The following CFDP1 variants were observed in gnomAD, a reference collection of about 807,000 sequenced individuals.
CFDP1 encodes heterochromatin-stabilizing protein CFDP1.
A neutral mutation model predicts 40.1 loss-of-function variants in CFDP1; 31 were observed. That is an observed-to-expected ratio of 0.77 (90% confidence interval 0.58 to 1.04). CFDP1 has a LOEUF of 1.04. CFDP1 is among the 50% of genes least tolerant of loss of function. CFDP1 has a pLI of 0.00. For missense variants in CFDP1, 423 were observed against 343.4 expected, an observed-to-expected ratio of 1.23 and a Z score of -1.83; for synonymous variants, 167 against 120.0, an observed-to-expected ratio of 1.39 and a Z score of -2.56.
At chr16:75,410,908 CAA>C (rs74355496) in intron 4 of CFDP1, among the ~76,000 whole-genome samples, 13 of 62,590 alleles carry the variant, frequency 2.1e-4, no homozygotes, top group Admixed American at 1.9e-4. Flanking sequence ...GACTCTGTCT[CAA>C]AAAAAAAAAA....
intron 4 of CFDP1, among the ~76,000 whole-genome samples, chr16:75,405,098 A>C (rs2079087045): frequency 6.6e-6 from 1 of 152,208 alleles, no homozygotes; most frequent in Admixed American, 6.5e-5. Context: ...ACAATACTCA[A>C]GACATGAGCA....
intron 5 of CFDP1, among the ~76,000 whole-genome samples, chr16:75,367,378 A>T (rs535428240): frequency 4.6e-5 from 7 of 150,956 alleles, no homozygotes; most frequent in Admixed American, 2.0e-4. Flanking sequence ...CCACTATGGC[A>T]CACATGTACC....
intron 5 of CFDP1, among the ~76,000 whole-genome samples, chr16:75,357,526 T>G (rs548633108): frequency 8.5e-5 from 13 of 152,312 alleles, no homozygotes; most frequent in African/African-American, 3.1e-4. Flanking sequence ...AGTGCTGAGA[T>G]TACAGGTGTA....
intron 5 of CFDP1, among the ~76,000 whole-genome samples, chr16:75,373,876 T>C (rs776344811): frequency 6.6e-6 from 1 of 152,178 alleles, no homozygotes. Context: ...TTTCTAAACA[T>C]GAGGCAATCT....
chr16:75,416,381 T>C (rs1417873743), intron 1 of CFDP1, among the ~76,000 whole-genome samples: 1 of 134,836 alleles, frequency 7.4e-6, no homozygotes, highest in Non-Finnish European at 1.6e-5. Context: ...ATCCATGGAA[T>C]AAAAATAAGA....
intron 5 of CFDP1, among the ~76,000 whole-genome samples, chr16:75,319,754 G>A (rs779886491): frequency 6.6e-6 from 1 of 152,072 alleles, no homozygotes; most frequent in Non-Finnish European, 1.5e-5. Context: ...TCCCCCTGTG[G>A]TGCCACCCCT....
intron 6 of CFDP1, among the ~76,000 whole-genome samples, chr16:75,299,424 T>TAAA (rs55975805): frequency 1.8e-3 from 257 of 143,340 alleles, no homozygotes; most frequent in East Asian, 4.5e-3. Context: ...CATCTCTACT[T>TAAA]AAAAAAAAAA....
Position 75,305,028 on chromosome 16 carries a change from C to T in CFDP1, c.805G>A (p.Glu269Lys), listed in dbSNP as rs752675935. ...EELAIHNRGK[E>K]GYIERKAFLD... ...ATAAAACCTACTCCTTCTTACCCCT[C>T]TTTCCCTCGATTATGGATGGCCAGT... The change falls in exon 6 of 7, where the codon GAG (glutamate) becomes AAG (lysine). Residue 269 changes from glutamate to lysine, a missense_variant. Coordinates refer to ENST00000283882, the MANE Select transcript of CFDP1 (RefSeq NM_006324.3). 9.2e-5 allele frequency: 148 copies of T among 1,613,822 alleles called. No individual in the cohort carries two copies. The East Asian group carries it at 3.3e-3, about 36-fold the overall frequency.
intron 5 of CFDP1, among the ~76,000 whole-genome samples, chr16:75,364,473 C>T (rs905565214): frequency 7.2e-5 from 11 of 152,212 alleles, no homozygotes; most frequent in African/African-American, 1.4e-4. Flanking sequence ...CATGACAACA[C>T]GAAGACATTA....
chr16:75,409,787 C>T (rs1005573557), intron 4 of CFDP1, among the ~76,000 whole-genome samples: 2 of 152,116 alleles, frequency 1.3e-5, no homozygotes, highest in Middle Eastern at 3.4e-3. Context: ...ATACATTAAC[C>T]AGTGGTGAAT....
At chr16:75,391,630 T>G (rs1255633628) in intron 5 of CFDP1, 1 of 152,202 alleles carries the variant, frequency 6.6e-6, no homozygotes, top group Non-Finnish European at 1.5e-5. Context: ...AAGGGCATAA[T>G]GTAAAATGTA....
At chr16:75,364,135 CA>C (rs71134705) in intron 5 of CFDP1, among the ~76,000 whole-genome samples, 77,358 of 150,058 alleles carry the variant, frequency 0.52, 20,930 homozygotes, top group Admixed American at 0.64. Flanking sequence ...CAAAACAAAA[CA>C]AAACAAACAA....
At chr16:75,375,181 G>C (rs2078782997) in intron 5 of CFDP1, among the ~76,000 whole-genome samples, 1 of 151,130 alleles carries the variant, frequency 6.6e-6, no homozygotes, top group East Asian at 1.9e-4. Context: ...AGATTTCTTA[G>C]GACACAAAAA....
chr16:75,327,174 GGAGAATAGCGTGAACCCGGGAGGCA>G (rs1237801772), intron 5 of CFDP1, among the ~76,000 whole-genome samples: 1 of 152,198 alleles, frequency 6.6e-6, no homozygotes, highest in Non-Finnish European at 1.5e-5. Flanking sequence ...GGCTGAGGCA[GGAGAATAGCGTGAACCCGGGAGGCA>G]GAGCTTGCAG....
At chr16:75,408,606 A>AT (rs2079126226) in intron 4 of CFDP1, among the ~76,000 whole-genome samples, 2 of 151,926 alleles carry the variant, frequency 1.3e-5, no homozygotes, top group Non-Finnish European at 2.9e-5. Flanking sequence ...GTGAAATCCC[A>AT]TATCTACTAA....
chr16:75,347,756 T>TC (rs1193027873), intron 5 of CFDP1, among the ~76,000 whole-genome samples: 1 of 152,070 alleles, frequency 6.6e-6, no homozygotes, highest in African/African-American at 2.4e-5. Flanking sequence ...TCTGACAAAC[T>TC]CCATCTTGAC....
At chr16:75,394,598 A>G (rs2078980460) in intron 5 of CFDP1, 1 of 151,608 alleles carries the variant, frequency 6.6e-6, no homozygotes, top group Non-Finnish European at 1.5e-5. Context: ...GTTCAATACT[A>G]TAAACTAGGA....
At chr16:75,318,356 G>C (rs925742523) in intron 5 of CFDP1, among the ~76,000 whole-genome samples, 3 of 151,860 alleles carry the variant, frequency 2.0e-5, no homozygotes, top group African/African-American at 7.3e-5. Context: ...TGCCTCAGTG[G>C]TGTGTTGTTT....
chr16:75,370,867 T>C (rs568463720), intron 5 of CFDP1, among the ~76,000 whole-genome samples: 1 of 151,976 alleles, frequency 6.6e-6, no homozygotes, highest in African/African-American at 2.4e-5. Flanking sequence ...CTCAAAAATT[T>C]AAAAAAAGAA....
Sources: allele counts gnomAD v4.1 joint callset (sites outside exome capture counted in the v4.1 genomes callset), GRCh38; gene constraint gnomAD v4.1.1; transcripts MANE v1.5; gene names NCBI Gene and HGNC (gene_info 2026-07-23, HGNC 2026-07-21).